Variants in MYO16 observed in about 807,000 individuals in gnomAD.
The protein encoded by MYO16 is myosin XVI, also known as unconventional myosin-XVI.
MYO16 carries 94 observed loss-of-function variants against 205.3 expected under a neutral mutation model. The ratio of observed to expected loss-of-function variants is 0.46; its 90% CI spans 0.39 to 0.54. The LOEUF is 0.54. Among genes scored for constraint, MYO16 ranks in the 20% least tolerant of loss-of-function variants. The pLI, the probability that MYO16 is intolerant of heterozygous loss-of-function variation, is 0.00. For missense variants in MYO16, 2,315 were observed against 2,387.5 expected, an observed-to-expected ratio of 0.97 and a Z score of 0.63; for synonymous variants, 988 against 954.0, an observed-to-expected ratio of 1.04 and a Z score of -0.66.
intron 1 of MYO16, among the ~76,000 whole-genome samples, chr13:108,664,351 G>A (rs545954965): frequency 1.3e-5 from 2 of 152,236 alleles, no homozygotes; most frequent in African/African-American, 4.8e-5. Flanking sequence ...TCTCTATGGA[G>A]CATTTTTTAT....
chr13:108,702,581 C>T (rs1287812001), intron 2 of MYO16, among the ~76,000 whole-genome samples: 1 of 152,032 alleles, frequency 6.6e-6, no homozygotes, highest in Non-Finnish European at 1.5e-5. Context: ...AGACATTAGA[C>T]TTGAATTTGC....
intron 2 of MYO16, among the ~76,000 whole-genome samples, chr13:108,711,585 G>A (rs1359322657): frequency 1.3e-5 from 2 of 152,208 alleles, no homozygotes; most frequent in Non-Finnish European, 2.9e-5. Context: ...TGGAGAGGAA[G>A]CTTTGCATAG....
chr13:108,676,662 T>G (rs946563419), intron 2 of MYO16, among the ~76,000 whole-genome samples: 1 of 152,142 alleles, frequency 6.6e-6, no homozygotes, highest in Non-Finnish European at 1.5e-5. Flanking sequence ...CATGAGAATA[T>G]GGACCAAAGC....
chr13:108,955,493 C>G (rs1247719608), intron 16 of MYO16, among the ~76,000 whole-genome samples: 2 of 152,194 alleles, frequency 1.3e-5, no homozygotes, highest in Admixed American at 6.5e-5. Flanking sequence ...AGGAAACATT[C>G]CCTTTGTCAA....
At chr13:108,526,520 G>A in the MYO16 span, among the ~76,000 whole-genome samples, 7 of 152,086 alleles carry the variant, frequency 4.6e-5, no homozygotes, top group African/African-American at 9.7e-5. Context: ...TGGTTTAAGC[G>A]CGTTGAAATA....
the MYO16 span, among the ~76,000 whole-genome samples, chr13:108,534,113 A>C: frequency 2.7e-3 from 408 of 152,278 alleles, 3 homozygotes; most frequent in African/African-American, 9.1e-3. Context: ...CTTGCTTTCA[A>C]GTTCTGGTTT....
At chr13:108,783,684 T>C (rs1214154378) in intron 4 of MYO16, among the ~76,000 whole-genome samples, 1 of 152,302 alleles carries the variant, frequency 6.6e-6, no homozygotes, top group Non-Finnish European at 1.5e-5. Context: ...GGAGAGGTCA[T>C]TGAATCATGG....
At chr13:109,023,270 TAAATATATATATTTATATATTATACA>T in intron 23 of MYO16, among the ~76,000 whole-genome samples, 1 of 84,072 alleles carries the variant, frequency 1.2e-5, no homozygotes, top group Admixed American at 1.7e-4. Flanking sequence ...TATACAGATA[TAAATATATATATTTATATATTATACA>T]GATATAAATA....
At chr13:109,076,057 G>A (rs1351093287) in intron 27 of MYO16, among the ~76,000 whole-genome samples, 1 of 152,164 alleles carries the variant, frequency 6.6e-6, no homozygotes, top group Non-Finnish European at 1.5e-5. Context: ...ATTTCTGTGA[G>A]TGGGTACCAG....
At chr13:108,596,332 G>T (rs1878557125) in intron 1 of MYO16, 1 of 152,140 alleles carries the variant, frequency 6.6e-6, no homozygotes, top group Non-Finnish European at 1.5e-5. Context: ...GTGAATTTCA[G>T]TTCCCTTGTT....
At chr13:108,960,132 C>T (rs1883525975) in intron 17 of MYO16, among the ~76,000 whole-genome samples, 1 of 151,698 alleles carries the variant, frequency 6.6e-6, no homozygotes, top group Non-Finnish European at 1.5e-5. Context: ...AAAACATTAG[C>T]TGGACACTAT....
intron 1 of MYO16, among the ~76,000 whole-genome samples, chr13:108,610,035 C>T (rs1176954873): frequency 7.2e-5 from 11 of 152,104 alleles, no homozygotes; most frequent in Non-Finnish European, 1.3e-4. Flanking sequence ...TAGGAACAAA[C>T]AGAATAAAGT....
At chr13:108,642,923 T>A (rs1019786273) in intron 1 of MYO16, among the ~76,000 whole-genome samples, 1 of 152,220 alleles carries the variant, frequency 6.6e-6, no homozygotes, top group Non-Finnish European at 1.5e-5. Context: ...ATTTCAACAC[T>A]TTGCCTCTTA....
rs749667329 is a variant in MYO16 at position 108,976,307 on chromosome 13, G to A, written c.2369+11405G>A. Among the ~76,000 whole-genome samples, 7 of 152,188 alleles carry A rather than the reference G, an allele frequency of 4.6e-5. 1 individual carries two copies. The South Asian group carries it at 1.2e-3, about 27-fold the overall frequency. ...TGTGATGTATGTTTTATCAATTGCT[G>A]TTAAACATTTGGAAAAGGACAGGAG... is the stretch of plus-strand genomic sequence containing the variant. On this transcript the variant is annotated intron_variant, in intron 20 of 34. Transcript: ENST00000457511.
chr13:108,713,803 C>G (rs534217031), intron 3 of MYO16, among the ~76,000 whole-genome samples: 1 of 152,258 alleles, frequency 6.6e-6, no homozygotes, highest in Non-Finnish European at 1.5e-5. Flanking sequence ...CTCTCTAGCA[C>G]TGGAAATAGA....
At chr13:109,183,348 T>C (rs76087340) in intron 34 of MYO16, among the ~76,000 whole-genome samples, 9,104 of 152,226 alleles carry the variant, frequency 0.06, 753 homozygotes, top group East Asian at 0.28. Context: ...GATTTATAAA[T>C]AGAGCAAAAG....
rs558245454 is a variant in MYO16, at chr13:108,741,882, A to G, written c.507+14299A>G. Among the ~76,000 whole-genome samples, 22 of 152,310 alleles carry G rather than the reference A, an allele frequency of 1.4e-4. No individual in the cohort carries two copies. In the East Asian group the frequency reaches 3.9e-3, roughly 27 times the overall value. ...TTTGAGCAAAAGAGGGCCTCATCAT[A>G]ATTTACATCATATTGTTGAATAGGG... is the stretch of plus-strand genomic sequence containing the variant. On this transcript the variant is annotated intron_variant, in intron 4 of 34. Coordinates refer to ENST00000457511, the MANE Select transcript of MYO16 (RefSeq NM_001198950.3).
chr13:108,637,312 T>G (rs1880299554), intron 1 of MYO16, among the ~76,000 whole-genome samples: 1 of 152,190 alleles, frequency 6.6e-6, no homozygotes, highest in East Asian at 1.9e-4. Context: ...TGGCATCTGT[T>G]GTTCTACTTG....
At chr13:108,859,337 T>C (rs1373244458) in intron 11 of MYO16, among the ~76,000 whole-genome samples, 3 of 152,170 alleles carry the variant, frequency 2.0e-5, no homozygotes, top group African/African-American at 7.2e-5. Context: ...AAAACCCTAA[T>C]TTTAGACGAG....
Sources: gnomAD v4.1 joint callset for allele counts (sites outside exome capture counted in the v4.1 genomes callset) on GRCh38, gnomAD v4.1.1 for gene constraint, MANE v1.5 for transcripts, NCBI Gene and HGNC (gene_info 2026-07-23, HGNC 2026-07-21) for gene names.